CFAP61: variants seen among roughly 807,000 people sequenced by gnomAD.
CFAP61 encodes cilia- and flagella-associated protein 61.
A neutral mutation model predicts 135.6 loss-of-function variants in CFAP61; 107 were observed. The observed-to-expected ratio is 0.79, with a 90% CI of 0.67 to 0.93. CFAP61 has a LOEUF of 0.93. CFAP61 is among the 40% of genes least tolerant of loss of function. CFAP61 has a pLI of 0.00. For synonymous variants in CFAP61, 575 were observed against 578.5 expected (o/e 0.99, Z 0.09); for missense variants, 1,507 against 1,556.2 (o/e 0.97, Z 0.53).
intron 9 of CFAP61, among the ~76,000 whole-genome samples, chr20:20,146,830 T>C (rs763009254): frequency 2.0e-5 from 3 of 152,152 alleles, no homozygotes; most frequent in Non-Finnish European, 4.4e-5. Context: ...TCTTTAGTGG[T>C]GATTTCTGAG....
At chr20:20,317,760 C>G (rs2057221781) in intron 25 of CFAP61, among the ~76,000 whole-genome samples, 1 of 152,142 alleles carries the variant, frequency 6.6e-6, no homozygotes, top group South Asian at 2.1e-4. Context: ...CCAGCGCAGT[C>G]ACGCTGGGAT....
chr20:20,341,887 G>C lies in CFAP61; in HGVS notation c.3479G>C (p.Arg1160Thr). Reference sequence around the variant, plus strand: ...TTCCACGATCGTTTTATTGATCTCAGGAAAGAGTTACGCCAAATCTTAGCC... The same window carrying C: ...TTCCACGATCGTTTTATTGATCTCACGAAAGAGTTACGCCAAATCTTAGCC... ...ALFHDRFIDLRKELRQILASK... is the reference protein window; with the variant it reads ...ALFHDRFIDLTKELRQILASK... The change falls in exon 26 of 27, where the codon AGG (arginine) becomes ACG (threonine). Residue 1160 changes from arginine to threonine, a missense_variant. Physicochemically the swap from Arg to Thr is moderately conservative, Grantham distance 71. Coordinates refer to ENST00000245957, the MANE Select transcript of CFAP61 (RefSeq NM_015585.4). The C allele has an allele frequency of 6.2e-7, 1 of 1,613,538 alleles. No homozygotes were observed. Among genetic ancestry groups the C allele is most frequent in the Non-Finnish European group, 8.5e-7 (1 of 1,179,948 alleles).
At chr20:20,297,399 G>A (rs1037020964) in intron 24 of CFAP61, among the ~76,000 whole-genome samples, 1 of 152,168 alleles carries the variant, frequency 6.6e-6, no homozygotes, top group African/African-American at 2.4e-5. Flanking sequence ...AGGCCAAAGT[G>A]AAGGTTCAGT....
chr20:20,200,484 G>T (rs2056559287), intron 17 of CFAP61, among the ~76,000 whole-genome samples: 1 of 152,214 alleles, frequency 6.6e-6, no homozygotes, highest in African/African-American at 2.4e-5. Context: ...CAGGAAAAAG[G>T]ACTGAAATCA....
At chr20:20,265,639 G>A in intron 21 of CFAP61, 1 of 657,290 alleles carries the variant, frequency 1.5e-6, no homozygotes, top group Admixed American at 2.4e-5. Context: ...TTTTCTCCAG[G>A]TCTGGTGCTT....
intron 8 of CFAP61, among the ~76,000 whole-genome samples, chr20:20,117,747 T>G (rs1476273694): frequency 6.6e-6 from 1 of 152,212 alleles, no homozygotes; most frequent in Non-Finnish European, 1.5e-5. Flanking sequence ...TGTATGTATG[T>G]GTCCTCTTCA....
intron 12 of CFAP61, among the ~76,000 whole-genome samples, chr20:20,168,779 G>T (rs1165515216): frequency 6.6e-6 from 1 of 152,172 alleles, no homozygotes. Flanking sequence ...TAAACCCACT[G>T]CCTGGGTTTA....
At chr20:20,143,117 C>T (rs2051557679) in intron 9 of CFAP61, among the ~76,000 whole-genome samples, 169 bp downstream of exon 9, 4 of 152,188 alleles carry the variant, frequency 2.6e-5, no homozygotes, top group Admixed American at 2.6e-4. Flanking sequence ...AAACAGAGGC[C>T]TCTGTGTTTG....
chr20:20,271,758 T>C (rs2053375334), intron 21 of CFAP61, among the ~76,000 whole-genome samples: 3 of 152,228 alleles, frequency 2.0e-5, no homozygotes. Context: ...AGTGTTCTTA[T>C]CATTTGTTAT....
chr20:20,205,597 A>G lies in CFAP61; in HGVS notation c.1932+5695A>G, dbSNP rs377511433. Among the ~76,000 whole-genome samples the G allele has an allele frequency of 1.1e-4, 16 of 152,270 alleles. No individual in the cohort carries two copies. The East Asian group carries it at 1.2e-3, about 11-fold the overall frequency. ...AAAAAGGTGACCCACAGACGATTGC[A>G]TTTCTCCCAGTGCAGTTTGAATTTT... On this transcript the variant is annotated intron_variant, in intron 17 of 26. Coordinates refer to ENST00000245957, the MANE Select transcript of CFAP61 (RefSeq NM_015585.4).
At chr20:20,204,435 G>A (rs954472257) in intron 17 of CFAP61, among the ~76,000 whole-genome samples, 2 of 152,226 alleles carry the variant, frequency 1.3e-5, no homozygotes, top group East Asian at 1.9e-4. Context: ...TCAGGAAGAT[G>A]TCACTCACTG....
intron 25 of CFAP61, among the ~76,000 whole-genome samples, chr20:20,321,967 C>A (rs1286144773): frequency 6.6e-6 from 1 of 152,174 alleles, no homozygotes; most frequent in African/African-American, 2.4e-5. Flanking sequence ...CTAGAATATT[C>A]CCTCTGAATT....
intron 7 of CFAP61, chr20:20,095,766 G>A (rs1268619186): frequency 6.6e-6 from 1 of 152,330 alleles, no homozygotes; most frequent in Non-Finnish European, 1.5e-5. Flanking sequence ...GGTCAGCCAT[G>A]CGCTTGGCAT....
At chr20:20,231,544 A>G (rs2049137897) in intron 18 of CFAP61, among the ~76,000 whole-genome samples, 1 of 151,988 alleles carries the variant, frequency 6.6e-6, no homozygotes, top group Non-Finnish European at 1.5e-5. Context: ...AGGGGTGGAG[A>G]TGGGCAGGGG....
At chr20:20,190,602 C>CG (rs1569098567) in intron 14 of CFAP61, among the ~76,000 whole-genome samples, 5 of 151,836 alleles carry the variant, frequency 3.3e-5, no homozygotes, top group Admixed American at 1.3e-4. Flanking sequence ...ACACACACCC[C>CG]CACAATTGTA....
intron 18 of CFAP61, among the ~76,000 whole-genome samples, chr20:20,240,944 A>T (rs1394892114): frequency 6.6e-6 from 1 of 152,178 alleles, no homozygotes; most frequent in African/African-American, 2.4e-5. Context: ...GGTGACCCTG[A>T]AAATGGAAAT....
intron 18 of CFAP61, among the ~76,000 whole-genome samples, chr20:20,240,756 T>C (rs148832506): frequency 2.1e-4 from 32 of 152,324 alleles, no homozygotes; most frequent in Admixed American, 9.8e-4. Flanking sequence ...TTTGAAAAAC[T>C]ACATTTTCCA....
intron 7 of CFAP61, chr20:20,094,560 T>C (rs2047430741): frequency 6.6e-6 from 1 of 152,312 alleles, no homozygotes; most frequent in Admixed American, 6.5e-5. Context: ...GTTCTTTCTC[T>C]CTCTTGCCGT....
At chr20:20,186,221 A>C (rs1045288683) in intron 13 of CFAP61, among the ~76,000 whole-genome samples, 1 of 152,192 alleles carries the variant, frequency 6.6e-6, no homozygotes, top group African/African-American at 2.4e-5. Flanking sequence ...CCCACTTTCT[A>C]TCATTGTAAA....
Sources: gnomAD v4.1 joint callset for allele counts (sites outside exome capture counted in the v4.1 genomes callset) on GRCh38, gnomAD v4.1.1 for gene constraint, MANE v1.5 for transcripts, NCBI Gene and HGNC (gene_info 2026-07-23, HGNC 2026-07-21) for gene names.